The following STX10 variants were observed in gnomAD, a reference collection of about 807,000 sequenced individuals.
STX10 encodes syntaxin 10, also known as syntaxin-10.
STX10 carries 35 observed loss-of-function variants against 34.1 expected under a neutral mutation model. The observed-to-expected ratio is 1.03, with a 90% CI of 0.78 to 1.36. The LOEUF is 1.36. Among genes scored for constraint, STX10 ranks in the 40% most tolerant of loss-of-function variants. The pLI, the probability that STX10 is intolerant of heterozygous loss-of-function variation, is 0.00. For synonymous variants in STX10, 155 were observed against 132.9 expected (o/e 1.17, Z -1.15); for missense variants, 361 against 335.5 (o/e 1.08, Z -0.59).
chr19:13,146,541 ATGTT>A (rs2019903442), intron 4 of STX10, among the ~76,000 whole-genome samples: 2 of 148,756 alleles, frequency 1.3e-5, no homozygotes, highest in South Asian at 2.1e-4. Context: ...GGCCCAACAG[ATGTT>A]TGTTTGTTTG....
Position 13,145,300 on chromosome 19 carries a change from C to T in STX10, c.459G>A (p.Gln153=). 1 of 1,611,042 alleles carries T rather than the reference C, an allele frequency of 6.2e-7. No individual in the cohort carries two copies. The highest frequency in any genetic ancestry group is 8.5e-7 in the Non-Finnish European group (1 of 1,179,966). Residue 153 remains glutamine (Q), a synonymous_variant, in exon 5 of 8, where the codon CAG becomes CAA. Transcript: ENST00000587230. The stretch of plus-strand genomic sequence containing the variant: ...CTGGCCCCAAAACCTGCTGTGTGGC[C>T]TGCTGCTCCTCGATGTAGCGAGATG... ...SATSRYIEEQ[Q]ATQQLIMDEQ...
Position 13,144,457 on chromosome 19 carries a change from G to C in STX10, c.703C>G (p.Leu235Val). The C allele has an allele frequency of 6.2e-7, 1 of 1,613,144 alleles. No homozygotes were observed. The highest frequency in any genetic ancestry group is 1.1e-5 in the South Asian group (1 of 90,808). Reference sequence around the variant, plus strand: ...AGAACGAGGAGAAGCACCCCCACTAGCACGGCGATGGCACACCACTGTCGG... The same window carrying C: ...AGAACGAGGAGAAGCACCCCCACTACCACGGCGATGGCACACCACTGTCGG... ...DRRQWCAIAVLVGVLLLVLIL... is the reference protein window; with the variant it reads ...DRRQWCAIAVVVGVLLLVLIL... The change falls in exon 8 of 8, where the codon CTA (leucine) becomes GTA (valine). Residue 235 changes from leucine to valine, a missense_variant. By Grantham distance (32) the Leu-to-Val change is conservative (BLOSUM62 1). Transcript: ENST00000587230.
chr19:13,147,838 G>A (rs1482152238), intron 4 of STX10, among the ~76,000 whole-genome samples: 1 of 145,076 alleles, frequency 6.9e-6, no homozygotes, highest in African/African-American at 2.6e-5. Context: ...AGGCTGCAGT[G>A]AGCCGAGATC....
Position 13,144,158 on chromosome 19 carries a change from G to A in STX10, c.*252C>T. 1.8e-6 allele frequency: 1 copy of A among 547,874 alleles called. No homozygotes were observed. Among genetic ancestry groups the A allele is most frequent in the Non-Finnish European group, 3.2e-6 (1 of 308,088 alleles). 33.9% of individuals were successfully genotyped at this position (547,874 alleles called of 1,614,324 possible). A position where few individuals can be genotyped will look rare whatever the true frequency, so the allele number is the denominator to read the frequency against. ...CCTGGAACTGGAAATGGAGACAGGT[G>A]TGTCTCAGGTGTCCCTGCCTCCACC... On this transcript the variant is annotated 3_prime_UTR_variant, in exon 8 of 8. Coordinates refer to ENST00000587230, the MANE Select transcript of STX10 (RefSeq NM_003765.3).
At chr19:13,144,897 T>C (rs879600957) in intron 5 of STX10, 27 bp from the exon 6 acceptor site, 2 of 1,595,072 alleles carry the variant, frequency 1.3e-6, no homozygotes, top group Non-Finnish European at 1.7e-6. Flanking sequence ...TGGGAGATGC[T>C]GTTGAAAACG....
chr19:13,149,059 G>T lies in STX10; in HGVS notation c.333C>A (p.Ala111=), dbSNP rs746662452. 6.2e-7 allele frequency: 1 copy of T among 1,602,640 alleles called. No individual in the cohort carries two copies. Among genetic ancestry groups the T allele is most frequent in the African/African-American group, 1.3e-5 (1 of 74,774 alleles). The change falls in exon 4 of 8, where the codon GCC becomes GCA. Residue 111 remains alanine, a synonymous_variant. Coordinates refer to ENST00000587230, the MANE Select transcript of STX10 (RefSeq NM_003765.3). ...TGTTATTCCTCTCCAAAAATGCTAC[G>T]GCTGTTGGGCTGACCATATGGTCCT... ...EMKDHMVSPT[A]VAFLERNNRE...
chr19:13,149,004 G>A (rs756619878), intron 4 of STX10, 25 bp downstream of exon 4: 3 of 1,591,160 alleles, frequency 1.9e-6, no homozygotes, highest in Non-Finnish European at 2.6e-6. Flanking sequence ...GGCTCAGGTG[G>A]GCAGGGTGGG....
chr19:13,148,971 G>T (rs973750471), intron 4 of STX10, 58 bp downstream of exon 4: 66 of 1,432,714 alleles, frequency 4.6e-5, no homozygotes, highest in Middle Eastern at 1.8e-4. Context: ...CGCACAGAGG[G>T]ATCTGGCTTG....
At chr19:13,146,012 T>C (rs2019890574) in intron 4 of STX10, among the ~76,000 whole-genome samples, 1 of 130,884 alleles carries the variant, frequency 7.6e-6, no homozygotes, top group Non-Finnish European at 1.6e-5. Flanking sequence ...GGTGACAGGT[T>C]AAGACCTTCT....
Position 13,145,307 on chromosome 19 carries a change from T to C in STX10, c.452A>G (p.Glu151Gly), listed in dbSNP as rs1345965386. ...CAAAACCTGCTGTGTGGCCTGCTGC[T>C]CCTCGATGTAGCGAGATGTGGCCGA... The part of the protein sequence containing the change: ...AVSATSRYIE[E>G]QQATQQLIMD... Residue 151 changes from glutamate (E) to glycine (G), a missense_variant, in exon 5 of 8, where the codon GAG becomes GGG. Physicochemically the swap from Glu to Gly is moderately conservative, Grantham distance 98. Transcript: ENST00000587230. 3 of 1,611,416 alleles carry C rather than the reference T, an allele frequency of 1.9e-6. No individual in the cohort carries two copies. Among genetic ancestry groups the C allele is most frequent in the Non-Finnish European group, 2.5e-6 (3 of 1,179,978 alleles).
intron 4 of STX10, among the ~76,000 whole-genome samples, chr19:13,146,119 C>T (rs1202664542): frequency 2.7e-5 from 4 of 150,804 alleles, no homozygotes; most frequent in Non-Finnish European, 5.9e-5. Context: ...ATCGCTTGAA[C>T]CTGGGGGGCG....
intron 4 of STX10, among the ~76,000 whole-genome samples, chr19:13,145,949 C>CT (rs1201455104): frequency 1.3e-5 from 2 of 149,600 alleles, no homozygotes; most frequent in East Asian, 3.9e-4. Context: ...TCACTTGAAC[C>CT]TGGGAGGCTG....
Position 13,145,397 on chromosome 19 carries a change from T to C in STX10, c.364-2A>G. ...GGCAGCTGGCTTGCCTGCGAGTATCTGCAGGGGCACACAACATAGGCTCAG... is the reference window on the plus strand; with the variant it reads ...GGCAGCTGGCTTGCCTGCGAGTATCCGCAGGGGCACACAACATAGGCTCAG... On this transcript the variant is annotated splice_acceptor_variant, in intron 4 of 7. Transcript: ENST00000587230. LOFTEE classifies it high-confidence loss of function. 6.2e-7 allele frequency: 1 copy of C among 1,609,348 alleles called. No individual in the cohort carries two copies. The highest frequency in any genetic ancestry group is 8.5e-7 in the Non-Finnish European group (1 of 1,179,478).
At chr19:13,147,955 C>T (rs2019941449) in intron 4 of STX10, among the ~76,000 whole-genome samples, 3 of 143,322 alleles carry the variant, frequency 2.1e-5, no homozygotes, top group Admixed American at 1.4e-4. Context: ...ATTACAGCTA[C>T]TCAGGAGGCT....
At position 13,150,001 on chromosome 19, in the gene STX10, T is replaced by C. The variant is rs2020023039; in HGVS notation, c.36-104A>G. The C allele has an allele frequency of 7.0e-7, 1 of 1,421,482 alleles. No homozygotes were observed. Among genetic ancestry groups the C allele is most frequent in the Non-Finnish European group, 9.7e-7 (1 of 1,034,928 alleles). The allele number at this position is 1,421,482 out of a possible 1,614,324, so 88.1% of individuals were successfully genotyped here. Reference sequence around the variant, plus strand: ...ACGCATGGGGGACTCCGGAGACCCCTATATACCCCTGCGTGCGCCTCCCAC... The same window carrying C: ...ACGCATGGGGGACTCCGGAGACCCCCATATACCCCTGCGTGCGCCTCCCAC... On this transcript the variant is annotated intron_variant, in intron 1 of 7. Coordinates refer to ENST00000587230, the MANE Select transcript of STX10 (RefSeq NM_003765.3). The surrounding 1 kb of genome is among the most constrained non-coding windows in gnomAD (Gnocchi z 4.0).
Position 13,150,184 on chromosome 19 carries a change from T to C in STX10, c.-11A>G. On this transcript the variant is annotated 5_prime_UTR_variant, in exon 1 of 8. Coordinates refer to ENST00000587230, the MANE Select transcript of STX10 (RefSeq NM_003765.3). The surrounding 1 kb of genome is among the most constrained non-coding windows in gnomAD (Gnocchi z 4.0). ...GTCTTCGAGAGACATGTCAGTCCCT[T>C]CCCCCCCAGGCCGAACCCCCCTCCC... The C allele has an allele frequency of 5.8e-6, 6 of 1,043,372 alleles. No individual in the cohort carries two copies. Among genetic ancestry groups the C allele is most frequent in the African/African-American group, 1.6e-5 (1 of 62,578 alleles). 64.6% of individuals were successfully genotyped at this position (1,043,372 alleles called of 1,614,324 possible). A position where few individuals can be genotyped will look rare whatever the true frequency, so the allele number is the denominator to read the frequency against.
intron 4 of STX10, 124 bp from the exon 5 acceptor site, chr19:13,145,519 C>T (rs1322887664): frequency 2.8e-6 from 2 of 717,098 alleles, no homozygotes; most frequent in Non-Finnish European, 4.6e-6. Context: ...GCATTCCCCA[C>T]TCACCACTTA....
chr19:13,146,068 A>T (rs369049479), intron 4 of STX10, among the ~76,000 whole-genome samples: 1 of 149,510 alleles, frequency 6.7e-6, no homozygotes, highest in Non-Finnish European at 1.5e-5. Context: ...GTGGCAGTGC[A>T]TGCCTGTAAT....
chr19:13,148,497 C>G (rs2019960357), intron 4 of STX10, among the ~76,000 whole-genome samples: 1 of 132,134 alleles, frequency 7.6e-6, no homozygotes, highest in Non-Finnish European at 1.6e-5. Context: ...GAGTGAAACT[C>G]CATCTCAAAA....
Sources: allele counts gnomAD v4.1 joint callset (sites outside exome capture counted in the v4.1 genomes callset), GRCh38; gene constraint gnomAD v4.1.1; non-coding constraint Gnocchi (gnomAD v3.1); transcripts MANE v1.5; gene names NCBI Gene and HGNC (gene_info 2026-07-23, HGNC 2026-07-21).